Variants in MTUS2 observed in about 807,000 individuals in gnomAD.
MTUS2 encodes the protein microtubule-associated tumor suppressor candidate 2.
Under a neutral mutation model 114.1 loss-of-function variants are expected in MTUS2, and 40 were observed. That is an observed-to-expected ratio of 0.35 (90% CI 0.27 to 0.46). The LOEUF (loss-of-function observed/expected upper bound fraction) is 0.46. Among genes scored for constraint, MTUS2 ranks in the 20% least tolerant of loss-of-function variants. The pLI, the probability that MTUS2 is intolerant of heterozygous loss-of-function variation, is 1.00. For missense variants in MTUS2, 1,679 were observed against 1,705.4 expected (o/e 0.98, Z 0.27); for synonymous variants, 688 against 672.0 (o/e 1.02, Z -0.37).
intron 2 of MTUS2, among the ~76,000 whole-genome samples, chr13:29,007,613 C>G (rs1412072227): frequency 6.6e-6 from 1 of 152,184 alleles, no homozygotes; most frequent in Non-Finnish European, 1.5e-5. Context: ...GCAAGACCAA[C>G]CCCTCCTCTT....
At chr13:29,281,446 T>C (rs1364547815) in intron 5 of MTUS2, among the ~76,000 whole-genome samples, 3 of 152,086 alleles carry the variant, frequency 2.0e-5, no homozygotes, top group Admixed American at 1.3e-4. Context: ...TGTGTGTGTG[T>C]GTGCATGCAG....
rs1206607694 is a variant in MTUS2 at position 29,375,541 on chromosome 13, G to GTA, written c.3117+16083_3117+16084dup. On this transcript the variant is annotated intron_variant, in intron 8 of 15. Transcript: ENST00000612955. Reference sequence around the variant, plus strand: ...TATATATATATATATATATATACGTGTATATATATATATATACGTATATAT... The same window carrying GTA: ...TATATATATATATATATATATACGTGTATATATATATATATATACGTATATAT... Among the ~76,000 whole-genome samples the GTA allele has an allele frequency of 2.3e-3, 8 of 3,524 alleles. 1 individual carries two copies. The highest frequency in any genetic ancestry group is 5.2e-3 in the African/African-American group (6 of 1,146). 2.3% of individuals were successfully genotyped at this position (3,524 alleles called of 152,430 possible).
chr13:29,154,837 G>A (rs1892793721), intron 5 of MTUS2, among the ~76,000 whole-genome samples: 1 of 152,168 alleles, frequency 6.6e-6, no homozygotes, highest in Non-Finnish European at 1.5e-5. Flanking sequence ...AACCTCATTA[G>A]TTTTGCTTAT....
intron 2 of MTUS2, among the ~76,000 whole-genome samples, chr13:29,010,618 TG>T (rs1260518056): frequency 2.6e-5 from 4 of 151,980 alleles, no homozygotes; most frequent in Admixed American, 2.6e-4. Flanking sequence ...TCCGTCTGCT[TG>T]GGAAGTTCTG....
Position 29,025,962 on chromosome 13 carries a change from T to G in MTUS2, c.1264T>G (p.Leu422Val). The G allele has an allele frequency of 6.2e-7, 1 of 1,613,854 alleles. No homozygotes were observed. The highest frequency in any genetic ancestry group is 8.5e-7 in the Non-Finnish European group (1 of 1,179,850). The part of the protein sequence containing the change: ...GKISPCAGEK[L>V]GERTSSSFSP... ...AATTTCACCATGTGCAGGTGAGAAG[T>G]TGGGTGAAAGGACATCCAGCAGCTT... The change falls in exon 3 of 16, where the codon TTG becomes GTG. Residue 422 changes from leucine to valine, a missense_variant. Physicochemically the swap from Leu to Val is conservative, Grantham distance 32 (BLOSUM62 1). This residue lies in a region of MTUS2 where 843 missense variants were observed against 770.8 expected (regional missense o/e 1.09). Transcript: ENST00000612955.
chr13:29,024,895 G>A lies in MTUS2; in HGVS notation c.197G>A (p.Ser66Asn), dbSNP rs1466835662. The change falls in exon 3 of 16, where the codon AGT (serine) becomes AAT (asparagine). Residue 66 changes from serine (S) to asparagine (N), a missense_variant. Around this residue, in one of 3 missense-constraint regions of MTUS2, gnomAD observed 843 missense variants for 770.8 expected, o/e 1.09. Coordinates refer to ENST00000612955, the MANE Select transcript of MTUS2 (RefSeq NM_001033602.4). ...LGDEIGNTNS[S>N]EPENRTHFHK... ...GATGAAATTGGAAATACAAATTCAA[G>A]TGAGCCAGAAAACCGTACCCATTTC... 2 of 1,613,814 alleles carry A rather than the reference G, an allele frequency of 1.2e-6. No individual in the cohort carries two copies. The highest frequency in any genetic ancestry group is 1.7e-6 in the Non-Finnish European group (2 of 1,179,878).
chr13:29,332,584 T>G (rs563429249), intron 7 of MTUS2, among the ~76,000 whole-genome samples: 115 of 152,104 alleles, frequency 7.6e-4, no homozygotes, highest in African/African-American at 2.7e-3. Context: ...CTTAGTTATT[T>G]CTTGTCTTCT....
At chr13:29,487,767 A>T in intron 10 of MTUS2, 133 bp from the exon 11 acceptor site, 1 of 730,934 alleles carries the variant, frequency 1.4e-6, no homozygotes. Context: ...ACCAAAGTCC[A>T]GCTCTCCTGC....
chr13:28,999,295 C>A (rs1566281354), intron 2 of MTUS2, among the ~76,000 whole-genome samples: 1 of 152,280 alleles, frequency 6.6e-6, no homozygotes, highest in East Asian at 1.9e-4. Flanking sequence ...TGTCAGTCCG[C>A]CCCTACTGGG....
intron 8 of MTUS2, among the ~76,000 whole-genome samples, chr13:29,373,143 G>A (rs1274902620): frequency 6.6e-6 from 1 of 152,190 alleles, no homozygotes; most frequent in African/African-American, 2.4e-5. Context: ...AAGTGGGAAA[G>A]GGAACTCCTA....
rs536436615 is a variant in MTUS2 at position 29,268,961 on chromosome 13, G to T, written c.2645-12743G>T. Among the ~76,000 whole-genome samples, 12 of 152,054 alleles carry T rather than the reference G, an allele frequency of 7.9e-5. 1 individual carries two copies. Among genetic ancestry groups the T allele is most frequent in the South Asian group, 6.2e-4 (3 of 4,808 alleles). On this transcript the variant is annotated intron_variant, in intron 5 of 15. Coordinates refer to ENST00000612955, the MANE Select transcript of MTUS2 (RefSeq NM_001033602.4). Reference sequence around the variant, plus strand: ...TTCCCAGGCTGGTCTCAAACTCCTGGCTCCAAGCAATCCTCCTGCCTTGTC... The same window carrying T: ...TTCCCAGGCTGGTCTCAAACTCCTGTCTCCAAGCAATCCTCCTGCCTTGTC...
chr13:29,115,129 G>A (rs78421014), intron 5 of MTUS2, among the ~76,000 whole-genome samples: 7,103 of 152,240 alleles, frequency 0.047, 545 homozygotes, highest in African/African-American at 0.16. Flanking sequence ...CTATTAAAAT[G>A]AAATATTACA....
At chr13:28,958,437 G>C (rs976631109) in intron 2 of MTUS2, among the ~76,000 whole-genome samples, 1 of 152,208 alleles carries the variant, frequency 6.6e-6, no homozygotes, top group African/African-American at 2.4e-5. Flanking sequence ...GAAAATATAA[G>C]TAAGCCTAAA....
intron 8 of MTUS2, among the ~76,000 whole-genome samples, chr13:29,368,506 C>G (rs1870927463): frequency 6.6e-6 from 1 of 152,088 alleles, no homozygotes; most frequent in African/African-American, 2.4e-5. Flanking sequence ...ATTTCCACCA[C>G]AAAGAAATGA....
chr13:29,451,742 ACCCAG>A (rs1878699022), intron 9 of MTUS2, among the ~76,000 whole-genome samples: 1 of 151,722 alleles, frequency 6.6e-6, no homozygotes. Flanking sequence ...GTGCCACCAT[ACCCAG>A]CTAATTTTTT....
chr13:28,832,401 C>T (rs1018308098), intron 1 of MTUS2, among the ~76,000 whole-genome samples: 2 of 151,952 alleles, frequency 1.3e-5, no homozygotes, highest in African/African-American at 4.8e-5. Flanking sequence ...AATTAATATA[C>T]TCCTAGTGGA....
intron 2 of MTUS2, among the ~76,000 whole-genome samples, chr13:29,001,890 A>C (rs538527274): frequency 6.6e-6 from 1 of 152,284 alleles, no homozygotes; most frequent in South Asian, 2.1e-4. Context: ...TGTGCTTTGA[A>C]ATAGAAGGAA....
At chr13:29,463,945 G>A (rs1879703327) in intron 9 of MTUS2, among the ~76,000 whole-genome samples, 1 of 152,220 alleles carries the variant, frequency 6.6e-6, no homozygotes, top group Admixed American at 6.5e-5. Flanking sequence ...AGTAAGCCAA[G>A]ATCGCACCAC....
At chr13:29,433,597 C>T (rs552633340) in intron 8 of MTUS2, among the ~76,000 whole-genome samples, 1 of 152,330 alleles carries the variant, frequency 6.6e-6, no homozygotes, top group Admixed American at 6.5e-5. Context: ...TATTATGGAT[C>T]TGGCCAATCT....
Sources: allele counts gnomAD v4.1 joint callset (sites outside exome capture counted in the v4.1 genomes callset), GRCh38; gene constraint gnomAD v4.1.1; regional missense constraint gnomAD v4.1.1; transcripts MANE v1.5; gene names NCBI Gene and HGNC (gene_info 2026-07-23, HGNC 2026-07-21).